The following DBN1 variants were observed in gnomAD, a reference collection of about 807,000 sequenced individuals.
DBN1 encodes drebrin 1.
A neutral mutation model predicts 83.5 loss-of-function variants in DBN1; 21 were observed. That is an observed-to-expected ratio of 0.25 (90% confidence interval 0.18 to 0.36). DBN1 has a LOEUF of 0.36. Among genes scored for constraint, DBN1 ranks in the 10% least tolerant of loss-of-function variants. The pLI is 1.00. For missense variants in DBN1, 874 were observed against 935.7 expected (o/e 0.93, Z 0.86); for synonymous variants, 381 against 384.9 (o/e 0.99, Z 0.12).
intron 11 of DBN1, 125 bp downstream of exon 11, chr5:177,459,478 G>T (rs1291518643): frequency 7.5e-7 from 1 of 1,335,392 alleles, no homozygotes; most frequent in Non-Finnish European, 9.9e-7. Flanking sequence ...GCAAGAGGCA[G>T]GCAGTGCCTG....
chr5:177,473,348 C>T (rs544509619), intron 1 of DBN1, 88 bp downstream of exon 1: 5 of 800,720 alleles, frequency 6.2e-6, no homozygotes, highest in Non-Finnish European at 8.8e-6. Flanking sequence ...CCTCCCTTCC[C>T]GGCGGCGGGG....
chr5:177,457,973 G>T (rs1480340470), intron 13 of DBN1, 85 bp downstream of exon 13: 1 of 1,562,998 alleles, frequency 6.4e-7, no homozygotes, highest in South Asian at 1.1e-5. Flanking sequence ...AGGGGGTACT[G>T]GTGCAAGCAT....
chr5:177,469,875 C>T (rs1386644416), intron 1 of DBN1, among the ~76,000 whole-genome samples: 1 of 152,226 alleles, frequency 6.6e-6, no homozygotes, highest in Non-Finnish European at 1.5e-5. Flanking sequence ...TCAACCCCTT[C>T]TCCAAACTCC....
chr5:177,461,116 T>TTTTTG (rs34468671), intron 8 of DBN1, among the ~76,000 whole-genome samples: 1 of 143,260 alleles, frequency 7.0e-6, no homozygotes, highest in Non-Finnish European at 1.5e-5. Context: ...TTTTTTTTTT[T>TTTTTG]GAGACGGAGT....
In DBN1 at chr5:177,460,415, G is replaced by A. The variant is rs780554395; in HGVS notation, c.955+17C>T. 5 of 1,613,022 alleles carry A rather than the reference G, an allele frequency of 3.1e-6. No homozygotes were observed. Among genetic ancestry groups the A allele is most frequent in the Middle Eastern group, 1.9e-4 (1 of 5,340 alleles). On this transcript the variant is annotated intron_variant, in intron 10 of 14. Transcript: ENST00000393565. ...CCTGAGGAGTGGGGCCGGACGGGGG[G>A]TGGGGCCTAGGACTACCTGGTCGAT...
At chr5:177,469,726 C>T (rs937398793) in intron 1 of DBN1, among the ~76,000 whole-genome samples, 1 of 152,332 alleles carries the variant, frequency 6.6e-6, no homozygotes, top group African/African-American at 2.4e-5. Context: ...GCTGCGGTGA[C>T]AGAGCAACCA....
Position 177,467,139 on chromosome 5 carries a change from C to G in DBN1, c.556-77G>C. 6.2e-7 allele frequency: 1 copy of G among 1,609,116 alleles called. No homozygotes were observed. ...CCTGCCCCTCCAGCCCCTCCCTAAC[C>G]CAGCGCTGGGGGCGGGGCACGTGGC... On this transcript the variant is annotated intron_variant, in intron 6 of 14. Coordinates refer to ENST00000393565, the MANE Select transcript of DBN1 (RefSeq NM_001363541.2). This position sits in a 1 kb window ranked among gnomAD's most constrained non-coding sequence, Gnocchi z 9.1.
rs375896940 is a variant in DBN1, at chr5:177,467,459, C to T, written c.477+22G>A. On this transcript the variant is annotated intron_variant, in intron 5 of 14. Transcript: ENST00000393565. The surrounding 1 kb of genome is among the most constrained non-coding windows in gnomAD (Gnocchi z 9.1). ...CACCAGGCCACGCAGGCAGAGCCCACGGGTGCCAAACACACACTAACCACG... is the reference window on the plus strand; with the variant it reads ...CACCAGGCCACGCAGGCAGAGCCCATGGGTGCCAAACACACACTAACCACG... 4.2e-5 allele frequency: 68 copies of T among 1,606,464 alleles called. No individual in the cohort carries two copies. The highest frequency in any genetic ancestry group is 5.5e-5 in the South Asian group (5 of 90,462).
At chr5:177,469,764 T>G (rs975706592) in intron 1 of DBN1, among the ~76,000 whole-genome samples, 3 of 152,126 alleles carry the variant, frequency 2.0e-5, no homozygotes, top group African/African-American at 7.2e-5. Flanking sequence ...CAGAGATGCC[T>G]CCTCCATCAC....
chr5:177,469,402 T>C (rs568144416), intron 1 of DBN1, among the ~76,000 whole-genome samples: 10 of 152,090 alleles, frequency 6.6e-5, no homozygotes, highest in South Asian at 2.1e-4. Flanking sequence ...AACCCTGCAA[T>C]TGGCACACGA....
intron 8 of DBN1, among the ~76,000 whole-genome samples, chr5:177,463,106 G>A (rs984942722): frequency 2.0e-5 from 3 of 151,146 alleles, no homozygotes; most frequent in East Asian, 3.9e-4. Context: ...GCGAGATCTC[G>A]GCTCACTGCA....
chr5:177,472,724 G>A (rs1004615767), intron 1 of DBN1: 1 of 934,256 alleles, frequency 1.1e-6, no homozygotes, highest in Non-Finnish European at 1.3e-6. Context: ...GTGCCCCCCA[G>A]CCCAGCTGCC....
chr5:177,458,264 C>T lies in DBN1; in HGVS notation c.1708G>A (p.Gly570Ser). The change falls in exon 13 of 15, where the codon GGC (glycine) becomes AGC (serine). Residue 570 changes from glycine to serine, a missense_variant. Physicochemically the swap from Gly to Ser is moderately conservative, Grantham distance 56. Around this residue, in one of 4 missense-constraint regions of DBN1, gnomAD observed 725 missense variants for 719.7 expected, o/e 1.01. Transcript: ENST00000393565. Reference protein sequence around the residue: ...EVAPEPLLPAGEGCATLLNFD... With the variant: ...EVAPEPLLPASEGCATLLNFD... ...TTGAGAAGGGTGGCACAGCCTTCGC[C>T]TGCTGGCAGCAGTGGCTCCGGAGCC... 1 of 1,613,810 alleles carries T rather than the reference C, an allele frequency of 6.2e-7. No individual in the cohort carries two copies. The highest frequency in any genetic ancestry group is 8.5e-7 in the Non-Finnish European group (1 of 1,179,908).
At position 177,458,641 on chromosome 5, in the gene DBN1, G is replaced by A. The variant is rs757661459; in HGVS notation, c.1331C>T (p.Ala444Val). ...CTGAGGGGGCTCCTCCATGGGGCCG[G>A]CCCAGGCCTGAGGGGCTGCTGCTCT... Reference protein sequence around the residue: ...ETRAAAPQAWAGPMEEPPQAQ... With the variant: ...ETRAAAPQAWVGPMEEPPQAQ... Residue 444 changes from alanine to valine, a missense_variant, in exon 13 of 15, where the codon GCC becomes GTC. Coordinates refer to ENST00000393565, the MANE Select transcript of DBN1 (RefSeq NM_001363541.2). The A allele has an allele frequency of 2.5e-6, 4 of 1,596,730 alleles. No homozygotes were observed. The South Asian group carries it at 4.5e-5, about 18-fold the overall frequency.
chr5:177,459,437 C>T (rs1756839733), intron 11 of DBN1, among the ~76,000 whole-genome samples, 166 bp downstream of exon 11: 1 of 152,038 alleles, frequency 6.6e-6, no homozygotes, highest in Non-Finnish European at 1.5e-5. Context: ...TAAGCTAGGC[C>T]CCTGGAGGCC....
chr5:177,464,627 A>G (rs1001547939), intron 8 of DBN1, among the ~76,000 whole-genome samples: 8 of 149,276 alleles, frequency 5.4e-5, no homozygotes, highest in Non-Finnish European at 8.9e-5. Flanking sequence ...ATAAATAAAT[A>G]AATAAATAAA....
rs763607968 is a variant in DBN1 at position 177,459,229 on chromosome 5, G to A, written c.1133C>T (p.Pro378Leu). ...GTCAGACGGGCTCCGCGTGGGGATG[G>A]GAGTGGGCGCCATCCTCCGGTGGCT... ...LDSHRRMAPT[P>L]IPTRSPSDSS... Residue 378 changes from proline to leucine, a missense_variant, in exon 12 of 15, where the codon CCC becomes CTC. Physicochemically the swap from Pro to Leu is moderately conservative, Grantham distance 98 (BLOSUM62 -3). Transcript: ENST00000393565. 6 of 1,610,716 alleles carry A rather than the reference G, an allele frequency of 3.7e-6. No individual in the cohort carries two copies. In the Admixed American group the frequency reaches 5.0e-5, roughly 13 times the overall value.
chr5:177,473,089 A>ACACCTGTC (rs1757967905), intron 1 of DBN1: 1 of 151,538 alleles, frequency 6.6e-6, no homozygotes, highest in Non-Finnish European at 1.5e-5. Context: ...CGCCCCGTGC[A>ACACCTGTC]CACCTGTCCC....
Position 177,467,078 on chromosome 5 carries a change from C to T in DBN1, c.556-16G>A, listed in dbSNP as rs371705857. 5.6e-5 allele frequency: 91 copies of T among 1,613,422 alleles called. No homozygotes were observed. In the African/African-American group the frequency reaches 7.9e-4, roughly 14 times the overall value. On this transcript the variant is annotated splice_polypyrimidine_tract_variant and intron_variant, in intron 6 of 14. Transcript: ENST00000393565. This position sits in a 1 kb window ranked among gnomAD's most constrained non-coding sequence, Gnocchi z 9.1. Reference sequence around the variant, plus strand: ...CTTCTTCCTTCTGCAAGCCCCGGTGCGAACAAGGGTAGGCCCCGAGCCTAG... The same window carrying T: ...CTTCTTCCTTCTGCAAGCCCCGGTGTGAACAAGGGTAGGCCCCGAGCCTAG...
Sources: allele counts gnomAD v4.1 joint callset (sites outside exome capture counted in the v4.1 genomes callset), GRCh38; gene constraint gnomAD v4.1.1; regional missense constraint gnomAD v4.1.1; non-coding constraint Gnocchi (gnomAD v3.1); transcripts MANE v1.5; gene names NCBI Gene and HGNC (gene_info 2026-07-23, HGNC 2026-07-21).